The following IMMP2L variants were observed in gnomAD, a reference collection of about 807,000 sequenced individuals.
IMMP2L encodes the protein mitochondrial inner membrane protease subunit 2.
IMMP2L carries 18 observed loss-of-function variants against 19.3 expected under a neutral mutation model. The observed-to-expected ratio is 0.93, with a 90% confidence interval of 0.64 to 1.38. IMMP2L has a LOEUF of 1.38. Among genes scored for constraint, IMMP2L ranks in the 40% most tolerant of loss-of-function variants. The pLI, the probability that IMMP2L is intolerant of heterozygous loss-of-function variation, is 0.00. For missense variants in IMMP2L, 233 were observed against 218.2 expected (o/e 1.07, Z -0.43); for synonymous variants, 76 against 73.0 (o/e 1.04, Z -0.21).
At chr7:111,423,496 T>C (rs1181169499) in intron 3 of IMMP2L, among the ~76,000 whole-genome samples, 1 of 151,934 alleles carries the variant, frequency 6.6e-6, no homozygotes. Flanking sequence ...TTCTAGTTTA[T>C]TTGCGTAAAG....
intron 3 of IMMP2L, among the ~76,000 whole-genome samples, chr7:111,303,132 T>A (rs930462703): frequency 1.4e-4 from 22 of 152,198 alleles, no homozygotes; most frequent in African/African-American, 5.3e-4. Context: ...CATTTCTAAG[T>A]ATACATTTTC....
At chr7:110,786,244 A>G (rs1800069709) in intron 5 of IMMP2L, among the ~76,000 whole-genome samples, 1 of 151,982 alleles carries the variant, frequency 6.6e-6, no homozygotes, top group Non-Finnish European at 1.5e-5. Flanking sequence ...AGTTACTTGA[A>G]TCTCAATATA....
intron 4 of IMMP2L, among the ~76,000 whole-genome samples, chr7:110,956,022 G>T (rs7786637): frequency 1.3e-5 from 2 of 151,802 alleles, no homozygotes; most frequent in Admixed American, 6.6e-5. Context: ...AAGATTCATC[G>T]TTTGCTGGAA....
At chr7:110,747,504 AT>A (rs1797430676) in intron 5 of IMMP2L, among the ~76,000 whole-genome samples, 1 of 152,206 alleles carries the variant, frequency 6.6e-6, no homozygotes. Context: ...CCTCAATAAA[AT>A]ATTAGCAAAT....
chr7:110,717,320 CA>C (rs953250665), intron 5 of IMMP2L, among the ~76,000 whole-genome samples: 3 of 151,978 alleles, frequency 2.0e-5, no homozygotes, highest in East Asian at 1.9e-4. Context: ...ACTAAAAATA[CA>C]AAAAAAATTA....
At chr7:110,829,774 T>C (rs1468703278) in intron 5 of IMMP2L, among the ~76,000 whole-genome samples, 3 of 152,178 alleles carry the variant, frequency 2.0e-5, no homozygotes, top group African/African-American at 7.2e-5. Context: ...GGTCTCTTTT[T>C]AAAATATGTA....
chr7:110,844,411 T>C (rs1012363158), intron 5 of IMMP2L, among the ~76,000 whole-genome samples: 2 of 151,882 alleles, frequency 1.3e-5, no homozygotes, highest in Non-Finnish European at 2.9e-5. Context: ...ACAGCAGCAA[T>C]TGCAAAATAA....
rs533348440 is a variant in IMMP2L at position 111,492,061 on chromosome 7, T to C, written c.136-4720A>G. 1.2e-3 allele frequency among the ~76,000 whole-genome samples: 181 copies of C among 152,194 alleles called. 1 individual carries two copies. The highest frequency in any genetic ancestry group is 4.2e-3 in the African/African-American group (176 of 41,546). On this transcript the variant is annotated intron_variant, in intron 2 of 5. Transcript: ENST00000405709. ...CCATCACAGCCTATGATTATTTCTA[T>C]AATAATATTTAAATATGCATTATAA...
intron 3 of IMMP2L, among the ~76,000 whole-genome samples, chr7:111,441,812 G>A (rs903730663): frequency 1.3e-5 from 2 of 151,480 alleles, no homozygotes; most frequent in African/African-American, 4.9e-5. Flanking sequence ...ACAACTAACT[G>A]GAAAATAAGA....
At chr7:111,332,815 T>C (rs1215023102) in intron 3 of IMMP2L, among the ~76,000 whole-genome samples, 1 of 152,068 alleles carries the variant, frequency 6.6e-6, no homozygotes, top group Non-Finnish European at 1.5e-5. Context: ...ATAAGAAATA[T>C]TTTCTAACCA....
In IMMP2L at chr7:111,103,262, CTCTA is replaced by C. The variant is rs560540358; in HGVS notation, c.240-139701_240-139698del. ...ATGGTTAATAATTGTACTTCTTTATCTCTATCTATTCCGTTGCCAACAAGCATAC... is the reference window on the plus strand; with the variant it reads ...ATGGTTAATAATTGTACTTCTTTATCTCTATTCCGTTGCCAACAAGCATAC... On this transcript the variant is annotated intron_variant, in intron 3 of 5. Transcript: ENST00000405709. Among the ~76,000 whole-genome samples the C allele has an allele frequency of 2.7e-4, 41 of 151,694 alleles. No homozygotes were observed. The South Asian group carries it at 4.4e-3, about 16-fold the overall frequency.
intron 3 of IMMP2L, among the ~76,000 whole-genome samples, chr7:111,465,501 T>TAAAAAAAAAA (rs757362734): frequency 4.7e-5 from 3 of 64,286 alleles, no homozygotes; most frequent in African/African-American, 1.0e-4. Flanking sequence ...CAGGTGTCAC[T>TAAAAAAAAAA]AAAAAAAAAA....
intron 3 of IMMP2L, among the ~76,000 whole-genome samples, chr7:111,464,939 CCACCAGGCCCGG>C (rs1840481349): frequency 6.6e-6 from 1 of 152,128 alleles, no homozygotes; most frequent in Non-Finnish European, 1.5e-5. Flanking sequence ...CAGGCGCCCG[CCACCAGGCCCGG>C]CTAATTTTGT....
chr7:111,056,448 T>C (rs1239807562), intron 3 of IMMP2L, among the ~76,000 whole-genome samples: 1 of 152,210 alleles, frequency 6.6e-6, no homozygotes, highest in Non-Finnish European at 1.5e-5. Context: ...TCTAAATATA[T>C]TGATATATCA....
chr7:111,339,101 A>C (rs909109098), intron 3 of IMMP2L, among the ~76,000 whole-genome samples: 1 of 152,136 alleles, frequency 6.6e-6, no homozygotes, highest in African/African-American at 2.4e-5. Context: ...AGTACAAACT[A>C]ATGTTATTAC....
rs1268466387 is a variant in IMMP2L, at chr7:111,501,642, A to C, written c.136-14301T>G. Among the ~76,000 whole-genome samples the C allele has an allele frequency of 3.3e-5, 5 of 152,346 alleles. No homozygotes were observed. In the East Asian group the frequency reaches 9.6e-4, roughly 29 times the overall value. ...CGGATCTCTCAGCAGAAACTCTACA[A>C]GCCAGAAGAGAGTGGGGGCCAATAT... On this transcript the variant is annotated intron_variant, in intron 2 of 5. Coordinates refer to ENST00000405709, the MANE Select transcript of IMMP2L (RefSeq NM_032549.4).
rs574398441 is a variant in IMMP2L, at chr7:110,825,703, C to T, written c.408+60890G>A. Among the ~76,000 whole-genome samples, 78 of 152,298 alleles carry T rather than the reference C, an allele frequency of 5.1e-4. 1 individual carries two copies. The highest frequency in any genetic ancestry group is 1.7e-3 in the African/African-American group (70 of 41,568). ...AAATTAATTCAAGATGGATTAAAGA[C>T]TTAAATGTTAGACCTAAAACCATAA... is the stretch of plus-strand genomic sequence containing the variant. On this transcript the variant is annotated intron_variant, in intron 5 of 5. Transcript: ENST00000405709.
At chr7:110,875,757 G>C (rs1428885806) in intron 5 of IMMP2L, among the ~76,000 whole-genome samples, 2 of 152,044 alleles carry the variant, frequency 1.3e-5, no homozygotes, top group Non-Finnish European at 2.9e-5. Flanking sequence ...AAAATCACTG[G>C]AGGTCTAAGT....
intron 3 of IMMP2L, among the ~76,000 whole-genome samples, chr7:111,315,646 C>T (rs1167146871): frequency 6.6e-6 from 1 of 151,834 alleles, no homozygotes; most frequent in African/African-American, 2.4e-5. Context: ...ATACCTTCCT[C>T]ACCGCCACGT....
Sources: gnomAD v4.1 joint callset for allele counts (sites outside exome capture counted in the v4.1 genomes callset) on GRCh38, gnomAD v4.1.1 for gene constraint, MANE v1.5 for transcripts, NCBI Gene and HGNC (gene_info 2026-07-23, HGNC 2026-07-21) for gene names.